COL6A3: variants seen among roughly 807,000 people sequenced by gnomAD.
The protein encoded by COL6A3 is collagen alpha-3(VI) chain.
In COL6A3, 137 loss-of-function variants were observed where a neutral mutation model predicts 274.1. That is an observed-to-expected ratio of 0.50 (90% CI 0.44 to 0.58). The LOEUF (loss-of-function observed/expected upper bound fraction) is 0.58, where lower values mean the gene tolerates loss of function less well. Among genes scored for constraint, COL6A3 ranks in the 20% least tolerant of loss-of-function variants. The pLI is 0.00. For synonymous variants in COL6A3, 1,650 were observed against 1,650.6 expected, an observed-to-expected ratio of 1.00 and a Z score of 0.01; for missense variants, 3,950 against 4,124.9, an observed-to-expected ratio of 0.96 and a Z score of 1.16.
Position 237,371,455 on chromosome 2 carries a change from G to A in COL6A3, c.4285+277C>T, listed in dbSNP as rs527664242. Among the ~76,000 whole-genome samples, 6 of 152,132 alleles carry A rather than the reference G, an allele frequency of 3.9e-5. No homozygotes were observed. The highest frequency in any genetic ancestry group is 1.3e-4 in the Admixed American group (2 of 15,278). On this transcript the variant is annotated intron_variant, in intron 9 of 43. Transcript: ENST00000295550. This position sits in a 1 kb window ranked among gnomAD's most constrained non-coding sequence, Gnocchi z 4.3. ...CCACAAAAAATACAAAAAATTAGCC[G>A]GGCGTGGTGGTATGAACCTGTAGTC...
In COL6A3 at chr2:237,365,712, G is replaced by C. The variant is rs1293700251; in HGVS notation, c.5824C>G (p.Pro1942Ala). 2 of 1,614,168 alleles carry C rather than the reference G, an allele frequency of 1.2e-6. No individual in the cohort carries two copies. The highest frequency in any genetic ancestry group is 3.3e-5 in the Admixed American group (2 of 60,034). ...GCCCCACAGACCTTCACGCTGTCCG[G>C]CGAGGACTGTCTGAACTTGTTCAGG... is the stretch of plus-strand genomic sequence containing the variant. ...VYLNKFRQSSPDSVKVVIHFT... is the reference protein window; with the variant it reads ...VYLNKFRQSSADSVKVVIHFT... The change falls in exon 12 of 44, where the codon CCG becomes GCG. Residue 1942 changes from proline to alanine, a missense_variant. Pro to Ala is a conservative substitution (Grantham distance 27). Transcript: ENST00000295550.
intron 24 of COL6A3, among the ~76,000 whole-genome samples, 180 bp downstream of exon 24, chr2:237,354,719 A>G (rs1436811899): frequency 1.3e-5 from 2 of 152,164 alleles, no homozygotes; most frequent in Non-Finnish European, 2.9e-5. Flanking sequence ...AGGTGTCATC[A>G]GGGCCTTCTG....
At chr2:237,376,649 A>G in intron 7 of COL6A3, 123 bp downstream of exon 7, 1 of 973,042 alleles carries the variant, frequency 1.0e-6, no homozygotes, top group South Asian at 1.3e-5. Flanking sequence ...CAGGTGATTA[A>G]TTTTCCACCT....
At chr2:237,349,352 C>T (rs2077159354) in intron 28 of COL6A3, among the ~76,000 whole-genome samples, 1 of 152,132 alleles carries the variant, frequency 6.6e-6, no homozygotes, top group South Asian at 2.1e-4. Context: ...ATCTGTTGAC[C>T]CAAATTACTA....
In COL6A3 at chr2:237,364,272, G is replaced by A; in HGVS notation, c.5917+78C>T. 1.8e-6 allele frequency: 2 copies of A among 1,134,772 alleles called. No homozygotes were observed. The highest frequency in any genetic ancestry group is 2.7e-6 in the Non-Finnish European group (2 of 750,232). The allele number at this position is 1,134,772 out of a possible 1,614,324, so 70.3% of individuals were successfully genotyped here. A position where few individuals can be genotyped will look rare whatever the true frequency, so the allele number is the denominator to read the frequency against. ...TCCCTTGGGGCGCTGCATTAGCAGA[G>A]AGGTTTCTCTCCAGCAGAGCAGTAC... On this transcript the variant is annotated intron_variant, in intron 13 of 43. Coordinates refer to ENST00000295550, the MANE Select transcript of COL6A3 (RefSeq NM_004369.4). This position sits in a 1 kb window ranked among gnomAD's most constrained non-coding sequence, Gnocchi z 4.6.
intron 4 of COL6A3, chr2:237,386,346 C>T (rs2078143215): frequency 2.0e-5 from 3 of 152,170 alleles, no homozygotes; most frequent in African/African-American, 7.2e-5. Context: ...GGCATATTCT[C>T]CAAAATGGTT....
At position 237,341,131 on chromosome 2, in the gene COL6A3, T is replaced by C; in HGVS notation, c.7785A>G (p.Pro2595=). Residue 2595 remains proline, a synonymous_variant, in exon 38 of 44, where the codon CCA becomes CCG. Coordinates refer to ENST00000295550, the MANE Select transcript of COL6A3 (RefSeq NM_004369.4). ...HVCLDICNID[P]SCGFGSWRPS... ...GCCTCCAACTGCCAAATCCACAGGA[T>C]GGGTCGATGTTGCAGATGTCTAGAA... 3.1e-6 allele frequency: 5 copies of C among 1,614,160 alleles called. No individual in the cohort carries two copies. Among genetic ancestry groups the C allele is most frequent in the Middle Eastern group, 1.6e-4 (1 of 6,062 alleles).
intron 42 of COL6A3, chr2:237,328,044 C>G (rs527952056): frequency 6.6e-6 from 1 of 152,318 alleles, no homozygotes; most frequent in African/African-American, 2.4e-5. Flanking sequence ...ATGGCTGAGT[C>G]TTCCTTAATT....
intron 2 of COL6A3, 55 bp from the exon 3 acceptor site, chr2:237,395,259 A>G: frequency 6.3e-7 from 1 of 1,591,694 alleles, no homozygotes; most frequent in Non-Finnish European, 8.6e-7. Context: ...ATTACTTCCT[A>G]TCAATGCAAA....
Position 237,364,521 on chromosome 2 carries a change from C to G in COL6A3, c.5839-93G>C. 1 of 983,602 alleles carries G rather than the reference C, an allele frequency of 1.0e-6. No individual in the cohort carries two copies. Among genetic ancestry groups the G allele is most frequent in the South Asian group, 1.3e-5 (1 of 77,296 alleles). 60.9% of individuals were successfully genotyped at this position (983,602 alleles called of 1,614,324 possible). On this transcript the variant is annotated intron_variant, in intron 12 of 43. Coordinates refer to ENST00000295550, the MANE Select transcript of COL6A3 (RefSeq NM_004369.4). The surrounding 1 kb of genome is among the most constrained non-coding windows in gnomAD (Gnocchi z 4.6). ...ACTGAGAGACTCGCTGTCTCAAGCC[C>G]TTCATTTTACACTTAAGGAAACTGA...
chr2:237,412,469 G>A (rs987598062), intron 1 of COL6A3, among the ~76,000 whole-genome samples: 3 of 152,166 alleles, frequency 2.0e-5, no homozygotes, highest in South Asian at 2.1e-4. Context: ...TCAGGCACTC[G>A]CTCCCTGGCC....
chr2:237,407,494 C>T lies in COL6A3; in HGVS notation c.-31+6459G>A, dbSNP rs13407339. ...GCAATGCAGAAAGAGAAGGCCTGGACATCCCCTACCAATGCCCTCCCTCTG... is the reference window on the plus strand; with the variant it reads ...GCAATGCAGAAAGAGAAGGCCTGGATATCCCCTACCAATGCCCTCCCTCTG... On this transcript the variant is annotated intron_variant, in intron 1 of 43. Coordinates refer to ENST00000295550, the MANE Select transcript of COL6A3 (RefSeq NM_004369.4). This position sits in a 1 kb window ranked among gnomAD's most constrained non-coding sequence, Gnocchi z 4.3. 0.048 allele frequency among the ~76,000 whole-genome samples: 7,248 copies of T among 152,254 alleles called. 347 individuals are homozygous for T. The highest frequency in any genetic ancestry group is 0.12 in the African/African-American group (5,176 of 41,512).
chr2:237,371,949 C>T lies in COL6A3; in HGVS notation c.4068G>A (p.Ala1356=), dbSNP rs772443916. The T allele has an allele frequency of 4.3e-6, 7 of 1,613,966 alleles. No individual in the cohort carries two copies. In the Admixed American group the frequency reaches 5.0e-5, roughly 12 times the overall value. ...GKSDDEVDDP[A]VELKQFGVAP... ...CCACGCCAAACTGCTTGAGCTCCAC[C>T]GCCGGGTCGTCCACCTCATCGTCAG... is the stretch of plus-strand genomic sequence containing the variant. The change falls in exon 9 of 44, where the codon GCG becomes GCA. Residue 1356 remains alanine (A), a synonymous_variant. Transcript: ENST00000295550. This position sits in a 1 kb window ranked among gnomAD's most constrained non-coding sequence, Gnocchi z 4.3.
intron 1 of COL6A3, among the ~76,000 whole-genome samples, chr2:237,405,355 T>TA (rs144233392): frequency 0.035 from 5,289 of 152,216 alleles, 178 homozygotes; most frequent in Non-Finnish European, 0.056. Context: ...TCTCCATTTA[T>TA]AAAAAAACGA....
At chr2:237,385,375 T>A (rs1455270364) in intron 4 of COL6A3, among the ~76,000 whole-genome samples, 1 of 152,214 alleles carries the variant, frequency 6.6e-6, no homozygotes, top group Non-Finnish European at 1.5e-5. Context: ...AAACTCTACT[T>A]GGCTAGGGAA....
At chr2:237,375,253 A>G (rs977364177) in intron 7 of COL6A3, among the ~76,000 whole-genome samples, 2 of 152,170 alleles carry the variant, frequency 1.3e-5, no homozygotes, top group Non-Finnish European at 2.9e-5. Flanking sequence ...AGAGGGGGTA[A>G]GAGGGTCAGA....
chr2:237,347,863 G>T lies in COL6A3; in HGVS notation c.6973C>A (p.Pro2325Thr), dbSNP rs886044392. Residue 2325 changes from proline to threonine, a missense_variant, in exon 31 of 44, where the codon CCA becomes ACA. This residue lies in a region of COL6A3 where 1,284 missense variants were observed against 1,349.7 expected (regional missense o/e 0.95). Coordinates refer to ENST00000295550, the MANE Select transcript of COL6A3 (RefSeq NM_004369.4). ...GTTCCATTTAGCCCAGGTTCACCTG[G>T]GTTACCCTGGGAAGAAAGCCGAGAA... ...FPGYPGPKGN[P>T]GEPGLNGTTG... The T allele has an allele frequency of 1.2e-6, 2 of 1,609,672 alleles. No individual in the cohort carries two copies. The highest frequency in any genetic ancestry group is 1.7e-6 in the Non-Finnish European group (2 of 1,177,894).
At position 237,408,432 on chromosome 2, in the gene COL6A3, C is replaced by G. The variant is rs143198243; in HGVS notation, c.-31+5521G>C. Among the ~76,000 whole-genome samples, 25 of 152,308 alleles carry G rather than the reference C, an allele frequency of 1.6e-4. No individual in the cohort carries two copies. In the East Asian group the frequency reaches 4.8e-3, roughly 29 times the overall value. On this transcript the variant is annotated intron_variant, in intron 1 of 43. Coordinates refer to ENST00000295550, the MANE Select transcript of COL6A3 (RefSeq NM_004369.4). ...GAAACAGAGCACCCTGGTGCACCGC[C>G]GGGCCGGCTGTGGGTTTAGCTGAGT... is the stretch of plus-strand genomic sequence containing the variant.
intron 1 of COL6A3, among the ~76,000 whole-genome samples, chr2:237,412,280 C>T (rs574534815): frequency 7.9e-5 from 12 of 152,360 alleles, no homozygotes; most frequent in South Asian, 6.2e-4. Context: ...CGGCCAGCCC[C>T]GGTATTCCGG....
Sources: allele counts gnomAD v4.1 joint callset (sites outside exome capture counted in the v4.1 genomes callset), GRCh38; gene constraint gnomAD v4.1.1; regional missense constraint gnomAD v4.1.1; non-coding constraint Gnocchi (gnomAD v3.1); transcripts MANE v1.5; gene names NCBI Gene and HGNC (gene_info 2026-07-23, HGNC 2026-07-21).